SLC35F4: variants seen among roughly 807,000 people sequenced by gnomAD.
SLC35F4 encodes chromosome 14 open reading frame 36.
A neutral mutation model predicts 44.2 loss-of-function variants in SLC35F4; 24 were observed. The ratio of observed to expected loss-of-function variants is 0.54; its 90% CI spans 0.39 to 0.76. SLC35F4 has a LOEUF of 0.76. Among genes scored for constraint, SLC35F4 ranks in the 30% least tolerant of loss-of-function variants. The pLI is 0.00. For missense variants in SLC35F4, 562 were observed against 586.1 expected, an observed-to-expected ratio of 0.96 and a Z score of 0.42; for synonymous variants, 238 against 223.6, an observed-to-expected ratio of 1.06 and a Z score of -0.57.
At chr14:57,604,801 T>A (rs963188747) in intron 1 of SLC35F4, among the ~76,000 whole-genome samples, 3 of 152,016 alleles carry the variant, frequency 2.0e-5, no homozygotes, top group Admixed American at 6.6e-5. Context: ...GAAATAGAGC[T>A]GCACATCTAC....
At chr14:57,966,326 T>C (rs1802077349) in intron 1 of SLC35F4, among the ~76,000 whole-genome samples, 1 of 152,226 alleles carries the variant, frequency 6.6e-6, no homozygotes, top group Non-Finnish European at 1.5e-5. Flanking sequence ...TTCAGTTCGG[T>C]TCTATGTTCT....
chr14:57,840,892 C>A (rs998754198), intron 1 of SLC35F4, among the ~76,000 whole-genome samples: 1 of 152,114 alleles, frequency 6.6e-6, no homozygotes, highest in Non-Finnish European at 1.5e-5. Context: ...TTATGAAGCA[C>A]CTCAGAAAAG....
intron 1 of SLC35F4, among the ~76,000 whole-genome samples, chr14:57,911,998 G>A (rs1262115574): frequency 3.3e-5 from 5 of 151,862 alleles, no homozygotes; most frequent in Admixed American, 3.3e-4. Context: ...CCTGTTGTAT[G>A]AATTTCAGCA....
chr14:57,601,549 G>C (rs2070825716), intron 1 of SLC35F4, among the ~76,000 whole-genome samples: 1 of 152,022 alleles, frequency 6.6e-6, no homozygotes, highest in South Asian at 2.1e-4. Context: ...ACTTATAAGA[G>C]AGAACATGTA....
intron 1 of SLC35F4, among the ~76,000 whole-genome samples, chr14:57,888,802 G>A (rs1039670454): frequency 3.3e-5 from 5 of 152,204 alleles, no homozygotes; most frequent in African/African-American, 9.6e-5. Context: ...GCCAGTTGTG[G>A]CTCTAAACAT....
intron 1 of SLC35F4, among the ~76,000 whole-genome samples, chr14:57,618,252 G>A (rs1383766566): frequency 1.3e-5 from 2 of 152,332 alleles, no homozygotes; most frequent in Non-Finnish European, 1.5e-5. Flanking sequence ...TGGCAAGATG[G>A]CCAAATAGGA....
chr14:57,786,932 A>C (rs1165394644), intron 1 of SLC35F4, among the ~76,000 whole-genome samples: 1 of 152,236 alleles, frequency 6.6e-6, no homozygotes, highest in Non-Finnish European at 1.5e-5. Context: ...ATTTGCCTGA[A>C]GAAGAATTCA....
chr14:57,849,560 A>C (rs1213711616), intron 1 of SLC35F4, among the ~76,000 whole-genome samples: 1 of 152,222 alleles, frequency 6.6e-6, no homozygotes. Flanking sequence ...CCTTAAGGAG[A>C]TAAGAGAAGA....
chr14:57,962,967 G>C (rs1890365498), intron 1 of SLC35F4, among the ~76,000 whole-genome samples: 1 of 141,130 alleles, frequency 7.1e-6, no homozygotes, highest in East Asian at 4.2e-4. Flanking sequence ...CACTAAATAG[G>C]GGGGAAAAAA....
intron 1 of SLC35F4, among the ~76,000 whole-genome samples, chr14:57,927,767 A>C (rs541541882): frequency 6.6e-6 from 1 of 152,106 alleles, no homozygotes; most frequent in Non-Finnish European, 1.5e-5. Flanking sequence ...CTGGGATTAC[A>C]GGCATTAGCC....
At chr14:57,654,211 C>T (rs62003996) in intron 1 of SLC35F4, among the ~76,000 whole-genome samples, 9,638 of 152,032 alleles carry the variant, frequency 0.063, 446 homozygotes, top group South Asian at 0.096. Context: ...TCTTTAGTGG[C>T]GATTTCTGGG....
At chr14:57,654,673 T>A (rs2073903808) in intron 1 of SLC35F4, among the ~76,000 whole-genome samples, 1 of 152,240 alleles carries the variant, frequency 6.6e-6, no homozygotes, top group Non-Finnish European at 1.5e-5. Context: ...TTCATACTGT[T>A]TTCCATAATG....
intron 1 of SLC35F4, among the ~76,000 whole-genome samples, chr14:57,937,625 GAAAAGAAAAGAAAAGAAAAGAAAAGAA>G (rs1566505755): frequency 3.9e-4 from 47 of 121,524 alleles, no homozygotes; most frequent in African/African-American, 1.5e-3. Context: ...GAAAAGAAAA[GAAAAGAAAAGAAAAGAAAAGAAAAGAA>G]AAAAGAAAAG....
At chr14:57,756,383 G>A (rs570551445) in intron 1 of SLC35F4, among the ~76,000 whole-genome samples, 9 of 152,004 alleles carry the variant, frequency 5.9e-5, no homozygotes, top group South Asian at 2.1e-4. Flanking sequence ...TTCTAGATAC[G>A]TTTTTGTATC....
chr14:57,719,381 A>T (rs1348064524), intron 1 of SLC35F4, among the ~76,000 whole-genome samples: 1 of 152,026 alleles, frequency 6.6e-6, no homozygotes, highest in Non-Finnish European at 1.5e-5. Flanking sequence ...TTTGATAGAG[A>T]TTGCATTGAA....
At chr14:57,899,832 GGTGA>G (rs1202358163) in intron 1 of SLC35F4, among the ~76,000 whole-genome samples, 2 of 152,016 alleles carry the variant, frequency 1.3e-5, no homozygotes, top group Non-Finnish European at 2.9e-5. Context: ...GGACCTTTGC[GGTGA>G]GTGTTACAGC....
At chr14:57,773,183 GTTAT>G (rs748993876) in intron 1 of SLC35F4, among the ~76,000 whole-genome samples, 28 of 152,238 alleles carry the variant, frequency 1.8e-4, no homozygotes, top group African/African-American at 2.9e-4. Context: ...TTTTAATGGG[GTTAT>G]TTGTTTTTAT....
intron 1 of SLC35F4, among the ~76,000 whole-genome samples, chr14:57,697,699 TAAA>T (rs59047946): frequency 1.5e-4 from 21 of 143,684 alleles, no homozygotes; most frequent in Non-Finnish European, 1.4e-4. Context: ...AGACCCTGTT[TAAA>T]AAAAAAAAAA....
intron 1 of SLC35F4, among the ~76,000 whole-genome samples, 174 bp downstream of exon 1, chr14:57,865,549 C>G (rs574240698): frequency 6.6e-6 from 1 of 152,282 alleles, no homozygotes; most frequent in South Asian, 2.1e-4. Context: ...GCACCGAGGA[C>G]AGCGGACATA....
Sources: allele counts gnomAD v4.1 joint callset (sites outside exome capture counted in the v4.1 genomes callset), GRCh38; gene constraint gnomAD v4.1.1; transcripts MANE v1.5; gene names NCBI Gene and HGNC (gene_info 2026-07-23, HGNC 2026-07-21).